GMDS: variants seen among roughly 807,000 people sequenced by gnomAD.
GMDS encodes GDP-mannose 4,6 dehydratase.
A neutral mutation model predicts 49.9 loss-of-function variants in GMDS; 20 were observed. The ratio of observed to expected loss-of-function variants is 0.40; its 90% CI spans 0.28 to 0.58. The LOEUF is 0.58. Ranked by LOEUF, GMDS falls within the 20% of genes least tolerant of loss-of-function variation. GMDS has a pLI of 0.42. For missense variants in GMDS, 362 were observed against 481.4 expected (o/e 0.75, Z 2.32); for synonymous variants, 177 against 178.6 (o/e 0.99, Z 0.07).
chr6:2,209,240 A>T (rs1186883028), intron 1 of GMDS, among the ~76,000 whole-genome samples: 2 of 152,248 alleles, frequency 1.3e-5, no homozygotes, highest in Non-Finnish European at 2.9e-5. Flanking sequence ...TTGAAAAAAT[A>T]AGAGCACTGG....
At chr6:2,233,000 G>A (rs995726520) in intron 1 of GMDS, among the ~76,000 whole-genome samples, 3 of 152,190 alleles carry the variant, frequency 2.0e-5, no homozygotes, top group African/African-American at 7.2e-5. Context: ...GGAAAGGAGG[G>A]GATGGGGAGT....
chr6:2,000,541 A>C (rs914659703), intron 4 of GMDS, among the ~76,000 whole-genome samples: 6 of 152,148 alleles, frequency 3.9e-5, no homozygotes, highest in Admixed American at 1.3e-4. Context: ...GGTCTTTTGT[A>C]AGCTACCTCT....
chr6:2,119,813 C>T (rs975627173), intron 2 of GMDS, among the ~76,000 whole-genome samples: 1 of 152,104 alleles, frequency 6.6e-6, no homozygotes, highest in Non-Finnish European at 1.5e-5. Flanking sequence ...TGAGGTCTTA[C>T]AATAAATGAA....
intron 4 of GMDS, among the ~76,000 whole-genome samples, chr6:2,091,944 T>C (rs1372331617): frequency 6.6e-6 from 1 of 151,706 alleles, no homozygotes; most frequent in Non-Finnish European, 1.5e-5. Context: ...TGAATCTACA[T>C]AACAAAAAGA....
chr6:2,122,288 G>A (rs953646571), intron 2 of GMDS, among the ~76,000 whole-genome samples: 6 of 152,148 alleles, frequency 3.9e-5, no homozygotes, highest in Admixed American at 6.5e-5. Flanking sequence ...GTGTTAGAAA[G>A]AACAATTCCC....
intron 1 of GMDS, among the ~76,000 whole-genome samples, chr6:2,137,790 T>C (rs1776084982): frequency 6.6e-6 from 1 of 152,220 alleles, no homozygotes; most frequent in Admixed American, 6.5e-5. Context: ...ACAAGGTCAC[T>C]GCCTTCACTG....
chr6:2,161,613 T>C (rs1441875228), intron 1 of GMDS, among the ~76,000 whole-genome samples: 1 of 152,208 alleles, frequency 6.6e-6, no homozygotes, highest in East Asian at 1.9e-4. Flanking sequence ...AACTGTGCTA[T>C]AAAGTGCTGA....
rs555054513 is a variant in GMDS, at chr6:2,245,413, C to T, written c.10G>A (p.Ala4Thr). The change falls in exon 1 of 11, where the codon GCA becomes ACA. Residue 4 changes from alanine (A) to threonine (T), a missense_variant. Coordinates refer to ENST00000380815, the MANE Select transcript of GMDS (RefSeq NM_001500.4). MAH[A>T]PARCPSARGS... ...CGGGCGCTGGGGCAGCGTGCCGGTGCGTGTGCCATGTCCCGCGGCGGGCGT... is the reference window on the plus strand; with the variant it reads ...CGGGCGCTGGGGCAGCGTGCCGGTGTGTGTGCCATGTCCCGCGGCGGGCGT... 3 of 1,519,882 alleles carry T rather than the reference C, an allele frequency of 2.0e-6. No homozygotes were observed. Among genetic ancestry groups the T allele is most frequent in the Admixed American group, 2.0e-5 (1 of 49,760 alleles). The allele number at this position is 1,519,882 out of a possible 1,614,324, so 94.1% of individuals were successfully genotyped here.
chr6:1,879,533 A>G (rs545666388), intron 7 of GMDS, among the ~76,000 whole-genome samples: 1 of 152,218 alleles, frequency 6.6e-6, no homozygotes, highest in Non-Finnish European at 1.5e-5. Flanking sequence ...TAAAAACTAA[A>G]TATTTCTTGA....
intron 1 of GMDS, among the ~76,000 whole-genome samples, chr6:2,153,019 G>A (rs537921543): frequency 3.3e-5 from 5 of 152,066 alleles, no homozygotes; most frequent in South Asian, 4.2e-4. Flanking sequence ...GGCGGAAGTC[G>A]CTGCACTCCA....
intron 9 of GMDS, among the ~76,000 whole-genome samples, chr6:1,632,911 A>AT (rs1763040490): frequency 6.6e-6 from 1 of 152,200 alleles, no homozygotes; most frequent in African/African-American, 2.4e-5. Flanking sequence ...CACAACCAAC[A>AT]TGGCGGCATT....
intron 9 of GMDS, among the ~76,000 whole-genome samples, chr6:1,667,692 GT>G (rs1764278033): frequency 7.3e-6 from 1 of 137,220 alleles, no homozygotes; most frequent in South Asian, 2.4e-4. Context: ...GGGCACTTTT[GT>G]ATTTTTTTTT....
chr6:1,777,244 A>G (rs564778368), intron 7 of GMDS, among the ~76,000 whole-genome samples: 2 of 152,350 alleles, frequency 1.3e-5, no homozygotes, highest in African/African-American at 4.8e-5. Context: ...CTGCGCCTAC[A>G]TAGCACAGCT....
chr6:2,185,930 C>G (rs552958572), intron 1 of GMDS, among the ~76,000 whole-genome samples: 6 of 152,254 alleles, frequency 3.9e-5, no homozygotes, highest in Admixed American at 2.6e-4. Context: ...TGTTATTATT[C>G]CCATTTTACA....
chr6:1,909,196 G>A (rs939291750), intron 7 of GMDS, among the ~76,000 whole-genome samples: 3 of 152,206 alleles, frequency 2.0e-5, no homozygotes, highest in African/African-American at 7.2e-5. Context: ...AAAGTTTGGT[G>A]AATTAAGTGA....
chr6:1,742,789 G>C (rs1767326071), intron 7 of GMDS, among the ~76,000 whole-genome samples: 1 of 152,166 alleles, frequency 6.6e-6, no homozygotes, highest in African/African-American at 2.4e-5. Context: ...TGGATGCCAG[G>C]GCTGCAGCCG....
intron 2 of GMDS, among the ~76,000 whole-genome samples, chr6:2,119,134 C>A (rs1318835252): frequency 6.6e-6 from 1 of 152,002 alleles, no homozygotes; most frequent in Non-Finnish European, 1.5e-5. Flanking sequence ...AAAAGAATAA[C>A]AATAGTGTTA....
intron 1 of GMDS, among the ~76,000 whole-genome samples, chr6:2,229,657 C>T (rs1286933378): frequency 6.6e-6 from 1 of 152,098 alleles, no homozygotes; most frequent in Non-Finnish European, 1.5e-5. Flanking sequence ...CTCTCCTCTC[C>T]CTTTACAGAT....
chr6:1,633,692 G>A (rs1285990878), intron 9 of GMDS, among the ~76,000 whole-genome samples: 1 of 152,200 alleles, frequency 6.6e-6, no homozygotes, highest in Non-Finnish European at 1.5e-5. Flanking sequence ...AAGGCCTTAA[G>A]GGAACCCCGG....
Sources: gnomAD v4.1 joint callset for allele counts (sites outside exome capture counted in the v4.1 genomes callset) on GRCh38, gnomAD v4.1.1 for gene constraint, MANE v1.5 for transcripts, NCBI Gene and HGNC (gene_info 2026-07-23, HGNC 2026-07-21) for gene names.